The following TBCK variants were observed in gnomAD, a reference collection of about 807,000 sequenced individuals.
TBCK encodes the protein TBC1 domain containing kinase.
TBCK carries 99 observed loss-of-function variants against 113.4 expected under a neutral mutation model. The ratio of observed to expected loss-of-function variants is 0.87; its 90% CI spans 0.74 to 1.03. TBCK has a LOEUF of 1.03. TBCK is among the 50% of genes least tolerant of loss of function. TBCK has a pLI of 0.00. For synonymous variants in TBCK, 369 were observed against 370.8 expected (o/e 1.00, Z 0.05); for missense variants, 1,045 against 1,061.3 (o/e 0.98, Z 0.21).
chr4:106,225,843 G>C (rs983351999), intron 19 of TBCK, among the ~76,000 whole-genome samples: 2 of 151,932 alleles, frequency 1.3e-5, no homozygotes, highest in Non-Finnish European at 2.9e-5. Flanking sequence ...ACATTGTCTT[G>C]CATATCTGTA....
intron 19 of TBCK, among the ~76,000 whole-genome samples, chr4:106,229,456 T>C (rs933780427): frequency 6.6e-6 from 1 of 152,098 alleles, no homozygotes; most frequent in African/African-American, 2.4e-5. Context: ...TTCATTCTTC[T>C]GCATATGAAG....
At chr4:106,083,894 CAA>C in intron 25 of TBCK, among the ~76,000 whole-genome samples, 1 of 152,168 alleles carries the variant, frequency 6.6e-6, no homozygotes, top group South Asian at 2.1e-4. Flanking sequence ...ACAACAGCAC[CAA>C]AAACAACAAA....
At chr4:106,150,142 G>A (rs923083458) in intron 23 of TBCK, among the ~76,000 whole-genome samples, 4 of 152,204 alleles carry the variant, frequency 2.6e-5, no homozygotes, top group African/African-American at 9.6e-5. Flanking sequence ...GGCTTAGAGA[G>A]TGAGTAGGCT....
chr4:106,166,828 T>C (rs1560749175), intron 23 of TBCK, among the ~76,000 whole-genome samples: 1 of 151,378 alleles, frequency 6.6e-6, no homozygotes, highest in Non-Finnish European at 1.5e-5. Flanking sequence ...TAATCCCAAA[T>C]TAATACAAAA....
At chr4:106,062,002 A>C (rs1736111156) in intron 25 of TBCK, among the ~76,000 whole-genome samples, 1 of 151,814 alleles carries the variant, frequency 6.6e-6, no homozygotes, top group South Asian at 2.1e-4. Flanking sequence ...ATTTATGTGG[A>C]ACACTTTACA....
At chr4:106,124,344 G>A (rs1173609703) in intron 23 of TBCK, among the ~76,000 whole-genome samples, 2 of 152,116 alleles carry the variant, frequency 1.3e-5, no homozygotes, top group Non-Finnish European at 2.9e-5. Context: ...TAAAAAGTCA[G>A]GAAACAACAG....
chr4:106,143,229 T>G (rs72968409), intron 23 of TBCK, among the ~76,000 whole-genome samples: 4,088 of 152,274 alleles, frequency 0.027, 174 homozygotes, highest in African/African-American at 0.094. Context: ...AATACTCTAG[T>G]GCAACTCTTA....
intron 25 of TBCK, among the ~76,000 whole-genome samples, chr4:106,070,547 A>T (rs1173079168): frequency 2.0e-5 from 3 of 151,880 alleles, no homozygotes; most frequent in African/African-American, 7.3e-5. Flanking sequence ...GTTTGCCAGT[A>T]TTTTATTGAG....
chr4:106,232,826 A>C, intron 17 of TBCK, 112 bp downstream of exon 17: 1 of 1,058,392 alleles, frequency 9.4e-7, no homozygotes, highest in Non-Finnish European at 1.3e-6. Context: ...CAGAGCGTCA[A>C]TATTGACTTT....
chr4:106,074,057 C>T (rs1199217603), intron 25 of TBCK, among the ~76,000 whole-genome samples: 1 of 152,218 alleles, frequency 6.6e-6, no homozygotes, highest in East Asian at 1.9e-4. Context: ...ATCCCCCAAC[C>T]CCCTGCGTTT....
intron 25 of TBCK, among the ~76,000 whole-genome samples, chr4:106,076,788 G>A (rs545032177): frequency 2.0e-5 from 3 of 152,154 alleles, no homozygotes; most frequent in South Asian, 4.1e-4. Context: ...AAAAGAGAAC[G>A]CAATTCTTTC....
intron 2 of TBCK, among the ~76,000 whole-genome samples, chr4:106,300,547 A>G (rs974117704): frequency 6.6e-6 from 1 of 152,232 alleles, no homozygotes; most frequent in Admixed American, 6.5e-5. Context: ...TGATATTTCA[A>G]TAAGTGTTTA....
At chr4:106,053,174 G>T (rs138183382) in intron 25 of TBCK, among the ~76,000 whole-genome samples, 1 of 151,496 alleles carries the variant, frequency 6.6e-6, no homozygotes, top group Non-Finnish European at 1.5e-5. Flanking sequence ...CAAGGGCCAC[G>T]CACTGTGACT....
rs754528997 is a variant in TBCK, at chr4:106,248,937, C to A, written c.704G>T (p.Cys235Phe). ...TLIVLAEEHGCLDIIKELPET... is the reference protein window; with the variant it reads ...TLIVLAEEHGFLDIIKELPET... ...ATGACAAACCTTTATAATGTCCAAA[C>A]AACCATGCTCTTCAGCCAGAACTAT... The change falls in exon 8 of 26, where the codon TGT becomes TTT. Residue 235 changes from cysteine (C) to phenylalanine (F), a missense_variant. Transcript: ENST00000394708. 5.6e-6 allele frequency: 9 copies of A among 1,607,974 alleles called. No homozygotes were observed. In the South Asian group the frequency reaches 1.0e-4, roughly 18 times the overall value.
chr4:106,221,317 G>A (rs976421013), intron 19 of TBCK, among the ~76,000 whole-genome samples: 1 of 151,924 alleles, frequency 6.6e-6, no homozygotes, highest in African/African-American at 2.4e-5. Context: ...TGTTATAACT[G>A]CATATACATA....
chr4:106,063,814 G>C (rs1039943459), intron 25 of TBCK, among the ~76,000 whole-genome samples: 3 of 151,840 alleles, frequency 2.0e-5, no homozygotes, highest in African/African-American at 7.3e-5. Context: ...TGAAGACACA[G>C]CATAAAGATG....
intron 25 of TBCK, among the ~76,000 whole-genome samples, chr4:106,078,741 CA>C (rs36065351): frequency 0.37 from 52,698 of 143,138 alleles, 9,281 homozygotes; most frequent in South Asian, 0.46. Flanking sequence ...TCTAACTATT[CA>C]AAAAAAAAAA....
In TBCK at chr4:106,042,936, T is replaced by C. The variant is rs1043034150; in HGVS notation, c.*3634A>G. 6.6e-6 allele frequency: 1 copy of C among 152,306 alleles called. No homozygotes were observed. The highest frequency in any genetic ancestry group is 2.1e-4 in the South Asian group (1 of 4,818). 9.4% of individuals were successfully genotyped at this position (152,306 alleles called of 1,614,324 possible). A position where few individuals can be genotyped will look rare whatever the true frequency, so the allele number is the denominator to read the frequency against. On this transcript the variant is annotated 3_prime_UTR_variant, in exon 26 of 26. Coordinates refer to ENST00000394708, the MANE Select transcript of TBCK (RefSeq NM_001163435.3). ...CCCTAATTTGGCGGGAAGTTATGTC[T>C]TGTCATTTCATGGAGCGGAGTTCCT...
At chr4:106,237,922 CTT>C (rs1759656587) in intron 12 of TBCK, among the ~76,000 whole-genome samples, 1 of 151,894 alleles carries the variant, frequency 6.6e-6, no homozygotes, top group Admixed American at 6.6e-5. Flanking sequence ...TAAATAAAAA[CTT>C]AGCACATTAG....
Sources: allele counts gnomAD v4.1 joint callset (sites outside exome capture counted in the v4.1 genomes callset), GRCh38; gene constraint gnomAD v4.1.1; transcripts MANE v1.5; gene names NCBI Gene and HGNC (gene_info 2026-07-23, HGNC 2026-07-21).